MAGI2: variants seen among roughly 807,000 people sequenced by gnomAD.
The protein encoded by MAGI2 is membrane-associated guanylate kinase, WW and PDZ domain-containing protein 2.
Under a neutral mutation model 133.3 loss-of-function variants are expected in MAGI2, and 35 were observed. The ratio of observed to expected loss-of-function variants is 0.26; its 90% CI spans 0.20 to 0.35. The LOEUF is 0.35. Ranked by LOEUF, MAGI2 falls within the 10% of genes least tolerant of loss-of-function variation. MAGI2 has a pLI of 1.00. For synonymous variants in MAGI2, 729 were observed against 710.6 expected (o/e 1.03, Z -0.41); for missense variants, 1,636 against 1,863.4 (o/e 0.88, Z 2.25).
At chr7:78,985,864 T>G (rs1472764795) in intron 2 of MAGI2, among the ~76,000 whole-genome samples, 1 of 152,092 alleles carries the variant, frequency 6.6e-6, no homozygotes. Context: ...TTAATTTAAT[T>G]CTGATTTGTA....
chr7:78,590,281 G>C (rs1584760032), intron 3 of MAGI2, among the ~76,000 whole-genome samples: 1 of 152,256 alleles, frequency 6.6e-6, no homozygotes, highest in Non-Finnish European at 1.5e-5. Flanking sequence ...TCTTCTCCAT[G>C]CTAGGAGATT....
chr7:79,198,747 G>T (rs1304908451), intron 1 of MAGI2, among the ~76,000 whole-genome samples: 2 of 152,070 alleles, frequency 1.3e-5, no homozygotes, highest in East Asian at 3.9e-4. Flanking sequence ...AATTAGCTGG[G>T]TGTGGTAGTG....
intron 6 of MAGI2, among the ~76,000 whole-genome samples, chr7:78,425,645 A>C (rs969507089): frequency 6.6e-6 from 1 of 152,248 alleles, no homozygotes; most frequent in African/African-American, 2.4e-5. Flanking sequence ...TAGTGAAACC[A>C]AAGTCTGTAT....
Position 79,393,005 on chromosome 7 carries a change from C to T in MAGI2, c.301+60015G>A, listed in dbSNP as rs60098500. 2.2e-4 allele frequency among the ~76,000 whole-genome samples: 33 copies of T among 152,256 alleles called. 1 individual carries two copies. In the East Asian group the frequency reaches 6.4e-3, roughly 29 times the overall value. On this transcript the variant is annotated intron_variant, in intron 1 of 21. Coordinates refer to ENST00000354212, the MANE Select transcript of MAGI2 (RefSeq NM_012301.4). The stretch of plus-strand genomic sequence containing the variant: ...CAGAAATTCCAACACAGAGATAGAA[C>T]ATGAACTAAAGTAGAAAAATGATTG...
intron 2 of MAGI2, among the ~76,000 whole-genome samples, chr7:78,943,250 G>C (rs1801132786): frequency 6.6e-6 from 1 of 152,064 alleles, no homozygotes; most frequent in African/African-American, 2.4e-5. Context: ...ATTTATACCT[G>C]AGTTATTGAC....
At chr7:78,593,524 A>G (rs766801453) in intron 3 of MAGI2, among the ~76,000 whole-genome samples, 1 of 152,206 alleles carries the variant, frequency 6.6e-6, no homozygotes, top group Non-Finnish European at 1.5e-5. Flanking sequence ...GAGAACCTAC[A>G]TGGGAAACTC....
At chr7:78,716,908 C>G (rs149527534) in intron 2 of MAGI2, among the ~76,000 whole-genome samples, 2 of 152,246 alleles carry the variant, frequency 1.3e-5, no homozygotes, top group Non-Finnish European at 2.9e-5. Flanking sequence ...ACTGTTAGCC[C>G]AAGCCACAGC....
At chr7:78,561,665 T>C (rs182374358) in intron 3 of MAGI2, among the ~76,000 whole-genome samples, 98 of 152,262 alleles carry the variant, frequency 6.4e-4, no homozygotes, top group African/African-American at 1.9e-3. Flanking sequence ...GAGAACGAGC[T>C]GCCTCTTTTT....
intron 2 of MAGI2, among the ~76,000 whole-genome samples, chr7:78,858,041 G>T (rs1384939130): frequency 6.6e-6 from 1 of 152,160 alleles, no homozygotes; most frequent in Non-Finnish European, 1.5e-5. Context: ...TATTTGCACA[G>T]AGGTGTTTAT....
intron 1 of MAGI2, among the ~76,000 whole-genome samples, chr7:79,423,880 G>A (rs141488188): frequency 6.6e-6 from 1 of 152,140 alleles, no homozygotes; most frequent in Non-Finnish European, 1.5e-5. Context: ...ATATAAAAGT[G>A]CAGAGAATTT....
chr7:79,387,114 G>GTGTGTGTT (rs1844243665), intron 1 of MAGI2, among the ~76,000 whole-genome samples: 1 of 151,610 alleles, frequency 6.6e-6, no homozygotes, highest in Admixed American at 6.6e-5. Context: ...GTGTGTGTGT[G>GTGTGTGTT]TGTGTGTGTG....
chr7:79,058,984 C>T (rs2117052287), intron 1 of MAGI2, among the ~76,000 whole-genome samples: 1 of 152,084 alleles, frequency 6.6e-6, no homozygotes, highest in East Asian at 1.9e-4. Context: ...ACATGGCATA[C>T]TCAGTATAGT....
chr7:78,665,253 G>A (rs1563320746), intron 2 of MAGI2, among the ~76,000 whole-genome samples: 1 of 151,998 alleles, frequency 6.6e-6, no homozygotes, highest in East Asian at 1.9e-4. Flanking sequence ...GTATGAAAAA[G>A]CTTGGATAAA....
chr7:79,171,757 TA>T (rs1368384205), intron 1 of MAGI2, among the ~76,000 whole-genome samples: 3 of 33,754 alleles, frequency 8.9e-5, no homozygotes, highest in African/African-American at 2.3e-4. Context: ...TATATATATA[TA>T]TATATATATA....
chr7:79,049,035 T>A (rs1812433274), intron 1 of MAGI2, among the ~76,000 whole-genome samples: 1 of 152,208 alleles, frequency 6.6e-6, no homozygotes, highest in African/African-American at 2.4e-5. Context: ...AAGCAAATGT[T>A]GCCAACTTCA....
At chr7:78,775,122 A>G (rs550759854) in intron 2 of MAGI2, among the ~76,000 whole-genome samples, 5 of 151,478 alleles carry the variant, frequency 3.3e-5, no homozygotes, top group African/African-American at 1.2e-4. Context: ...GACCATCCTG[A>G]CTATCACAGT....
At chr7:79,190,195 A>C (rs1827530780) in intron 1 of MAGI2, among the ~76,000 whole-genome samples, 1 of 151,856 alleles carries the variant, frequency 6.6e-6, no homozygotes, top group Admixed American at 6.6e-5. Context: ...CTTTGTTAGA[A>C]ACTGCCAAAT....
intron 6 of MAGI2, among the ~76,000 whole-genome samples, chr7:78,446,549 G>T (rs1046809781): frequency 1.3e-5 from 2 of 151,958 alleles, no homozygotes; most frequent in Non-Finnish European, 1.5e-5. Flanking sequence ...CAACCTTTTG[G>T]TTGTCTTCAT....
At chr7:79,288,532 C>T (rs181503647) in intron 1 of MAGI2, among the ~76,000 whole-genome samples, 6 of 152,208 alleles carry the variant, frequency 3.9e-5, no homozygotes, top group Non-Finnish European at 5.9e-5. Context: ...AATAACCATT[C>T]TGCATATGGA....
Sources: allele counts gnomAD v4.1 joint callset (sites outside exome capture counted in the v4.1 genomes callset), GRCh38; gene constraint gnomAD v4.1.1; transcripts MANE v1.5; gene names NCBI Gene and HGNC (gene_info 2026-07-23, HGNC 2026-07-21).